APLP2: variants seen among roughly 807,000 people sequenced by gnomAD.
APLP2 encodes the protein amyloid beta precursor like protein 2.
Under a neutral mutation model 89.9 loss-of-function variants are expected in APLP2, and 53 were observed. The ratio of observed to expected loss-of-function variants is 0.59; its 90% CI spans 0.47 to 0.74. The LOEUF is 0.74. Among genes scored for constraint, APLP2 ranks in the 30% least tolerant of loss-of-function variants. The pLI is 0.00. For synonymous variants in APLP2, 372 were observed against 348.6 expected (o/e 1.07, Z -0.75); for missense variants, 973 against 975.9 (o/e 1.00, Z 0.04).
chr11:130,142,664 A>T (rs2136171268), intron 16 of APLP2, among the ~76,000 whole-genome samples: 2 of 152,114 alleles, frequency 1.3e-5, no homozygotes, highest in East Asian at 3.9e-4. Flanking sequence ...CCCAGGCTGG[A>T]GTGCAGTGGC....
intron 3 of APLP2, among the ~76,000 whole-genome samples, chr11:130,111,828 A>C (rs1192854786): frequency 6.6e-6 from 1 of 152,158 alleles, no homozygotes; most frequent in East Asian, 1.9e-4. Context: ...TTGCTCGTTA[A>C]AAAAGTTCTC....
rs560881845 is a variant in APLP2, at chr11:130,085,123, G to C, written c.105+15041G>C. Among the ~76,000 whole-genome samples the C allele has an allele frequency of 2.6e-5, 4 of 152,268 alleles. No individual in the cohort carries two copies. In the South Asian group the frequency reaches 8.3e-4, roughly 32 times the overall value. Reference sequence around the variant, plus strand: ...AGAAATAGAAAACTTGAGCAGATCAGTAACAAATAAGAAGATTGAGTCAGT... The same window carrying C: ...AGAAATAGAAAACTTGAGCAGATCACTAACAAATAAGAAGATTGAGTCAGT... On this transcript the variant is annotated intron_variant, in intron 1 of 16. Transcript: ENST00000338167.
At chr11:130,131,770 A>G (rs551455641) in intron 11 of APLP2, among the ~76,000 whole-genome samples, 1 of 152,318 alleles carries the variant, frequency 6.6e-6, no homozygotes, top group Admixed American at 6.5e-5. Flanking sequence ...TGATCAGTAT[A>G]TTAAATTAAT....
In APLP2 at chr11:130,121,603, G is replaced by A. The variant is rs1949826221; in HGVS notation, c.517-11G>A. On this transcript the variant is annotated splice_polypyrimidine_tract_variant and intron_variant, in intron 4 of 16. Transcript: ENST00000338167. ...GAGTATGTTCTGATGTGGCCTGTGG[G>A]TTTCTTTTAGGCATGTCTGACTCAG... 13 of 1,609,358 alleles carry A rather than the reference G, an allele frequency of 8.1e-6. No individual in the cohort carries two copies. Among genetic ancestry groups the A allele is most frequent in the Non-Finnish European group, 1.0e-5 (12 of 1,176,844 alleles).
At chr11:130,096,337 A>G (rs535753996) in intron 1 of APLP2, among the ~76,000 whole-genome samples, 1 of 152,174 alleles carries the variant, frequency 6.6e-6, no homozygotes, top group Non-Finnish European at 1.5e-5. Context: ...ATAGAAGAGC[A>G]GTGTGTTCTG....
intron 1 of APLP2, among the ~76,000 whole-genome samples, chr11:130,092,607 A>C (rs923236736): frequency 2.8e-5 from 4 of 145,070 alleles, no homozygotes; most frequent in Admixed American, 2.7e-4. Flanking sequence ...GGCATTGGGC[A>C]GACTGAGGCA....
chr11:130,101,057 C>T (rs2135685196), intron 1 of APLP2, among the ~76,000 whole-genome samples: 1 of 152,282 alleles, frequency 6.6e-6, no homozygotes, highest in South Asian at 2.1e-4. Flanking sequence ...AAAAATGTGG[C>T]ATTTCTTACA....
intron 1 of APLP2, among the ~76,000 whole-genome samples, chr11:130,094,766 G>C (rs1305803188): frequency 6.6e-6 from 1 of 152,238 alleles, no homozygotes; most frequent in Non-Finnish European, 1.5e-5. Context: ...AGTTGAGAAA[G>C]AGGGAAGTAC....
chr11:130,135,909 A>G (rs1361783940), intron 13 of APLP2, among the ~76,000 whole-genome samples, 194 bp downstream of exon 13: 5 of 152,174 alleles, frequency 3.3e-5, no homozygotes, highest in Non-Finnish European at 1.5e-5. Flanking sequence ...ATTGGTGTCA[A>G]TGTCACCATG....
chr11:130,070,612 G>A (rs1289637626), intron 1 of APLP2: 17 of 1,419,948 alleles, frequency 1.2e-5, no homozygotes, highest in Non-Finnish European at 1.5e-5. Flanking sequence ...GCGCGGCAGG[G>A]ATGCTGCGAG....
chr11:130,127,932 C>A, intron 9 of APLP2, 92 bp downstream of exon 9: 1 of 1,092,786 alleles, frequency 9.2e-7, no homozygotes. Flanking sequence ...GATTGGACAC[C>A]ACCTCCTTTT....
chr11:130,095,291 G>T (rs957098630), intron 1 of APLP2, among the ~76,000 whole-genome samples: 4 of 152,212 alleles, frequency 2.6e-5, no homozygotes, highest in Non-Finnish European at 5.9e-5. Context: ...AGGATTGCTT[G>T]AGTGCAGGAG....
intron 1 of APLP2, among the ~76,000 whole-genome samples, chr11:130,081,902 C>T (rs529040138): frequency 3.9e-5 from 6 of 152,076 alleles, no homozygotes; most frequent in African/African-American, 1.4e-4. Flanking sequence ...TTAAAAGAAC[C>T]TCTGGAAAGG....
At chr11:130,099,816 A>G (rs986015195) in intron 1 of APLP2, among the ~76,000 whole-genome samples, 2 of 152,188 alleles carry the variant, frequency 1.3e-5, no homozygotes, top group African/African-American at 4.8e-5. Flanking sequence ...TTCAAGCCCC[A>G]GTTCTGCGCA....
chr11:130,126,432 C>G (rs557695862), intron 7 of APLP2, among the ~76,000 whole-genome samples: 1 of 152,226 alleles, frequency 6.6e-6, no homozygotes, highest in Admixed American at 6.5e-5. Flanking sequence ...CTTTTTCAGC[C>G]CTGAGGTCTT....
intron 2 of APLP2, 141 bp downstream of exon 2, chr11:130,109,743 C>A: frequency 1.1e-6 from 1 of 917,400 alleles, no homozygotes. Flanking sequence ...CCTTTTGTTT[C>A]TAAATGTGTG....
chr11:130,112,502 G>A (rs1375161864), intron 3 of APLP2, among the ~76,000 whole-genome samples: 1 of 152,102 alleles, frequency 6.6e-6, no homozygotes, highest in Non-Finnish European at 1.5e-5. Flanking sequence ...TAAGTTGTTG[G>A]GTCTAACTAC....
At chr11:130,077,255 A>G (rs886517239) in intron 1 of APLP2, among the ~76,000 whole-genome samples, 3 of 152,220 alleles carry the variant, frequency 2.0e-5, no homozygotes, top group African/African-American at 2.4e-5. Flanking sequence ...TTAAAGGGAT[A>G]ATGCTATCCA....
intron 1 of APLP2, among the ~76,000 whole-genome samples, chr11:130,107,597 C>T (rs1292857554): frequency 6.6e-6 from 1 of 152,198 alleles, no homozygotes; most frequent in Non-Finnish European, 1.5e-5. Flanking sequence ...ATTCCATGCT[C>T]ATGGATAGGA....
Sources: allele counts gnomAD v4.1 joint callset (sites outside exome capture counted in the v4.1 genomes callset), GRCh38; gene constraint gnomAD v4.1.1; transcripts MANE v1.5; gene names NCBI Gene and HGNC (gene_info 2026-07-23, HGNC 2026-07-21).